Variants in SLC12A8 observed in about 807,000 individuals in gnomAD.
The protein encoded by SLC12A8 is cation-chloride cotransporter 9.
SLC12A8 carries 69 observed loss-of-function variants against 75.6 expected under a neutral mutation model. The observed-to-expected ratio is 0.91, with a 90% CI of 0.75 to 1.11. SLC12A8 has a LOEUF of 1.11. Ranked by LOEUF, SLC12A8 falls within the 50% of genes most tolerant of loss-of-function variation. The pLI, the probability that SLC12A8 is intolerant of heterozygous loss-of-function variation, is 0.00. For missense variants in SLC12A8, 877 were observed against 896.7 expected (o/e 0.98, Z 0.28); for synonymous variants, 365 against 372.8 (o/e 0.98, Z 0.24).
chr3:125,201,334 T>G (rs1467370121), intron 2 of SLC12A8, among the ~76,000 whole-genome samples: 1 of 151,258 alleles, frequency 6.6e-6, no homozygotes, highest in African/African-American at 2.4e-5. Context: ...GTCCCAGGAG[T>G]TTAAGGCTGC....
At chr3:125,100,467 G>T (rs769124955) in intron 10 of SLC12A8, among the ~76,000 whole-genome samples, 3 of 151,638 alleles carry the variant, frequency 2.0e-5, no homozygotes, top group Non-Finnish European at 4.4e-5. Flanking sequence ...GAGTGCAATG[G>T]CATGATCTCG....
At chr3:125,131,459 G>A (rs568830029) in intron 6 of SLC12A8, among the ~76,000 whole-genome samples, 10 of 152,140 alleles carry the variant, frequency 6.6e-5, no homozygotes, top group South Asian at 4.2e-4. Context: ...CGATTTCAGC[G>A]CACTGCAATC....
chr3:125,114,799 A>T (rs565730643), intron 8 of SLC12A8, among the ~76,000 whole-genome samples: 2 of 152,298 alleles, frequency 1.3e-5, no homozygotes, highest in African/African-American at 4.8e-5. Flanking sequence ...AGCAAGCCCC[A>T]GGGCTCCTAA....
chr3:125,100,570 G>C (rs1227008615), intron 10 of SLC12A8, among the ~76,000 whole-genome samples: 1 of 151,354 alleles, frequency 6.6e-6, no homozygotes, highest in Non-Finnish European at 1.5e-5. Context: ...ACCATGCCCG[G>C]CTAATTTTTG....
intron 4 of SLC12A8, among the ~76,000 whole-genome samples, chr3:125,178,312 G>A (rs2107788796): frequency 6.6e-6 from 1 of 152,192 alleles, no homozygotes; most frequent in Middle Eastern, 3.4e-3. Flanking sequence ...AGTTATTCAA[G>A]AACTAAATAT....
chr3:125,099,076 G>A (rs1337754207), intron 10 of SLC12A8, among the ~76,000 whole-genome samples: 1 of 152,204 alleles, frequency 6.6e-6, no homozygotes, highest in Non-Finnish European at 1.5e-5. Flanking sequence ...AAACCCAGAG[G>A]AGAATGGGGA....
chr3:125,137,462 G>A (rs1427656237), intron 5 of SLC12A8, among the ~76,000 whole-genome samples: 2 of 152,180 alleles, frequency 1.3e-5, no homozygotes, highest in East Asian at 1.9e-4. Flanking sequence ...TAGCTTATCC[G>A]CTGGCTGACC....
At chr3:125,205,236 T>C (rs1390744444) in intron 2 of SLC12A8, among the ~76,000 whole-genome samples, 1 of 152,214 alleles carries the variant, frequency 6.6e-6, no homozygotes, top group African/African-American at 2.4e-5. Context: ...TCCCTGGTGC[T>C]TCCCTGTGAC....
chr3:125,191,682 A>G (rs1579537338), intron 2 of SLC12A8, among the ~76,000 whole-genome samples: 1 of 152,266 alleles, frequency 6.6e-6, no homozygotes, highest in East Asian at 1.9e-4. Flanking sequence ...CCCAGGATCT[A>G]GAACCAAAGG....
chr3:125,183,478 C>T (rs1467936327), intron 4 of SLC12A8, among the ~76,000 whole-genome samples: 1 of 152,130 alleles, frequency 6.6e-6, no homozygotes, highest in Non-Finnish European at 1.5e-5. Flanking sequence ...CAATCACAGG[C>T]ATTTTCCTTC....
intron 12 of SLC12A8, among the ~76,000 whole-genome samples, chr3:125,089,720 A>T: frequency 6.6e-5 from 1 of 15,150 alleles, no homozygotes; most frequent in Non-Finnish European, 1.2e-4. Flanking sequence ...TCGGAGTCTC[A>T]CTCTGTTGCC....
intron 5 of SLC12A8, among the ~76,000 whole-genome samples, chr3:125,144,935 A>G (rs1006894638): frequency 3.3e-5 from 5 of 152,264 alleles, no homozygotes; most frequent in Middle Eastern, 3.4e-3. Flanking sequence ...AAATATTCAC[A>G]TGCTCAGACC....
At chr3:125,148,312 G>C (rs1187619556) in intron 5 of SLC12A8, among the ~76,000 whole-genome samples, 2 of 152,162 alleles carry the variant, frequency 1.3e-5, no homozygotes, top group Non-Finnish European at 2.9e-5. Context: ...TATGTGTTGG[G>C]GTTAGGTCAA....
chr3:125,140,331 C>T (rs555930047), intron 5 of SLC12A8, among the ~76,000 whole-genome samples: 8 of 152,150 alleles, frequency 5.3e-5, no homozygotes, highest in East Asian at 3.8e-4. Flanking sequence ...AAAGCTTGTC[C>T]GAGGGTTACA....
intron 13 of SLC12A8, among the ~76,000 whole-genome samples, chr3:125,084,350 A>C (rs2981480): frequency 6.6e-6 from 1 of 151,892 alleles, no homozygotes; most frequent in African/African-American, 2.4e-5. Context: ...TTGCCCTCCA[A>C]ATGGTATCAT....
chr3:125,163,886 G>A (rs1934232126), intron 5 of SLC12A8, among the ~76,000 whole-genome samples: 1 of 152,218 alleles, frequency 6.6e-6, no homozygotes, highest in Non-Finnish European at 1.5e-5. Flanking sequence ...TGCTGCTGAG[G>A]CCCTGTGGGC....
intron 4 of SLC12A8, among the ~76,000 whole-genome samples, chr3:125,182,804 C>CTTTTAAAATCATTA (rs1234885855): frequency 6.6e-6 from 1 of 152,132 alleles, no homozygotes; most frequent in Non-Finnish European, 1.5e-5. Flanking sequence ...CCGCGCCTGG[C>CTTTTAAAATCATTA]CTTGGCCTTG....
chr3:125,132,535 G>T (rs965835584), intron 6 of SLC12A8, among the ~76,000 whole-genome samples: 1 of 152,198 alleles, frequency 6.6e-6, no homozygotes, highest in Non-Finnish European at 1.5e-5. Context: ...AGGGAGGTCT[G>T]ATCACTGGCA....
intron 8 of SLC12A8, among the ~76,000 whole-genome samples, chr3:125,117,098 A>G (rs1939331908): frequency 6.6e-6 from 1 of 152,246 alleles, no homozygotes; most frequent in Non-Finnish European, 1.5e-5. Flanking sequence ...ACTAAGGGCA[A>G]GACCCTTGAA....
Sources: allele counts gnomAD v4.1 joint callset (sites outside exome capture counted in the v4.1 genomes callset), GRCh38; gene constraint gnomAD v4.1.1; transcripts MANE v1.5; gene names NCBI Gene and HGNC (gene_info 2026-07-23, HGNC 2026-07-21).